The following ABCA4 variants were observed in gnomAD, a reference collection of about 807,000 sequenced individuals.
ABCA4 encodes retinal-specific phospholipid-transporting ATPase ABCA4.
In ABCA4, 196 loss-of-function variants were observed where a neutral mutation model predicts 263.7. That is an observed-to-expected ratio of 0.74 (90% CI 0.66 to 0.84). The LOEUF (loss-of-function observed/expected upper bound fraction) is 0.84. ABCA4 is among the 40% of genes least tolerant of loss of function. ABCA4 has a pLI of 0.00. For missense variants in ABCA4, 2,792 were observed against 2,855.1 expected (o/e 0.98, Z 0.50); for synonymous variants, 1,133 against 1,094.2 (o/e 1.04, Z -0.70).
intron 36 of ABCA4, among the ~76,000 whole-genome samples, chr1:94,016,122 C>A (rs1461529387): frequency 1.3e-5 from 2 of 152,222 alleles, no homozygotes; most frequent in African/African-American, 2.4e-5. Context: ...GTCTCTCACT[C>A]TTTCTATTTG....
chr1:94,079,171 G>A (rs1317177004), intron 9 of ABCA4, 151 bp downstream of exon 9: 4 of 1,146,600 alleles, frequency 3.5e-6, no homozygotes, highest in Non-Finnish European at 3.9e-6. Flanking sequence ...AGTGATGACT[G>A]TGGATGGGGG....
At position 94,006,518 on chromosome 1, in the gene ABCA4, TATG is replaced by T. The variant is rs377293914; in HGVS notation, c.6006-939_6006-937del. 9.4e-4 allele frequency among the ~76,000 whole-genome samples: 143 copies of T among 152,344 alleles called. No homozygotes were observed. In the East Asian group the frequency reaches 0.021, roughly 23 times the overall value. On this transcript the variant is annotated intron_variant, in intron 43 of 49. Transcript: ENST00000370225. ...CTATGATATCTTTCCCCTGCCATGG[TATG>T]ATATCTCTACCCTGCCATGACTCCT...
chr1:94,087,145 A>C (rs568116285), intron 6 of ABCA4, among the ~76,000 whole-genome samples: 17 of 152,302 alleles, frequency 1.1e-4, no homozygotes, highest in Admixed American at 2.6e-4. Flanking sequence ...TCCTAATGCC[A>C]TCATCTTGGG....
At chr1:94,083,110 C>A (rs1201689908) in intron 7 of ABCA4, among the ~76,000 whole-genome samples, 2 of 152,220 alleles carry the variant, frequency 1.3e-5, no homozygotes, top group Non-Finnish European at 2.9e-5. Context: ...AGGCAAGTTG[C>A]TTATTGCCAG....
chr1:94,022,010 C>G (rs113279154), intron 32 of ABCA4, 59 bp from the exon 33 acceptor site: 2 of 1,407,734 alleles, frequency 1.4e-6, no homozygotes, highest in Admixed American at 3.4e-5. Flanking sequence ...CTACTAGTAG[C>G]TCTCTCGGGT....
At chr1:94,094,495 G>A (rs1662068675) in intron 6 of ABCA4, among the ~76,000 whole-genome samples, 1 of 152,160 alleles carries the variant, frequency 6.6e-6, no homozygotes, top group Admixed American at 6.5e-5. Flanking sequence ...GCTGAATCAT[G>A]CCACACTGGA....
chr1:94,114,972 G>C (rs1043227560), intron 1 of ABCA4, among the ~76,000 whole-genome samples: 1 of 152,224 alleles, frequency 6.6e-6, no homozygotes, highest in African/African-American at 2.4e-5. Context: ...CACGGAATGA[G>C]TGAGCCTTTG....
chr1:94,032,083 A>G (rs1203931625), intron 26 of ABCA4, 40 bp from the exon 27 acceptor site: 4 of 1,601,570 alleles, frequency 2.5e-6, no homozygotes, highest in Middle Eastern at 1.6e-4. Flanking sequence ...GAAAATGCCT[A>G]TAAGGTCTGG....
intron 31 of ABCA4, among the ~76,000 whole-genome samples, chr1:94,024,693 G>A (rs1045556940): frequency 9.9e-5 from 15 of 151,996 alleles, no homozygotes; most frequent in Middle Eastern, 3.4e-3. Context: ...TTAATAATAC[G>A]TGGGTTAAAA....
At chr1:94,062,535 C>T (rs1020226646) in intron 13 of ABCA4, 42 bp downstream of exon 13, 3 of 1,612,308 alleles carry the variant, frequency 1.9e-6, no homozygotes, top group East Asian at 2.2e-5. Flanking sequence ...CCAGCACCCC[C>T]ATTAGCGTGT....
At chr1:94,041,684 T>C (rs181095961) in intron 22 of ABCA4, among the ~76,000 whole-genome samples, 1 of 152,320 alleles carries the variant, frequency 6.6e-6, no homozygotes, top group African/African-American at 2.4e-5. Context: ...GGCTCATGTA[T>C]TATGGTCAGC....
At chr1:94,105,338 G>A (rs980035004) in intron 4 of ABCA4, among the ~76,000 whole-genome samples, 1 of 152,154 alleles carries the variant, frequency 6.6e-6, no homozygotes, top group Non-Finnish European at 1.5e-5. Flanking sequence ...GGGAGAAGGG[G>A]CAAAACAAGA....
chr1:93,999,719 G>T (rs867937355), intron 47 of ABCA4, among the ~76,000 whole-genome samples: 1 of 152,134 alleles, frequency 6.6e-6, no homozygotes, highest in Non-Finnish European at 1.5e-5. Flanking sequence ...GAGGAGAAAG[G>T]CTGTTTACCT....
At chr1:94,055,022 G>T in intron 16 of ABCA4, 89 bp downstream of exon 16, 2 of 1,312,960 alleles carry the variant, frequency 1.5e-6, no homozygotes, top group African/African-American at 1.5e-5. Flanking sequence ...CAAAGAGCTT[G>T]GAAGAAATGA....
chr1:94,083,601 CT>C (rs4147883), intron 6 of ABCA4, among the ~76,000 whole-genome samples, 160 bp from the exon 7 acceptor site: 2 of 152,308 alleles, frequency 1.3e-5, no homozygotes, highest in East Asian at 3.9e-4. Context: ...ACAAAAAACT[CT>C]TTTATTTAAT....
chr1:94,115,061 A>G (rs1662721259), intron 1 of ABCA4, among the ~76,000 whole-genome samples: 1 of 152,230 alleles, frequency 6.6e-6, no homozygotes, highest in South Asian at 2.1e-4. Flanking sequence ...TGTAGATTTA[A>G]GAAACAGCCT....
At chr1:94,005,287 A>G in intron 44 of ABCA4, 154 bp downstream of exon 44, 1 of 994,954 alleles carries the variant, frequency 1.0e-6, no homozygotes, top group Non-Finnish European at 1.5e-6. Flanking sequence ...TTTCTAGAAC[A>G]GTACTTGGCA....
At chr1:94,111,923 T>C (rs1662616540) in intron 2 of ABCA4, among the ~76,000 whole-genome samples, 1 of 152,220 alleles carries the variant, frequency 6.6e-6, no homozygotes, top group Non-Finnish European at 1.5e-5. Flanking sequence ...CTGCTGCTGC[T>C]TGAGCAGACG....
At chr1:94,031,638 G>A in intron 27 of ABCA4, 140 bp downstream of exon 27, 1 of 1,182,586 alleles carries the variant, frequency 8.5e-7, no homozygotes, top group East Asian at 2.6e-5. Flanking sequence ...GGTTTGGAAA[G>A]CAGGAAACAA....
Sources: allele counts gnomAD v4.1 joint callset (sites outside exome capture counted in the v4.1 genomes callset), GRCh38; gene constraint gnomAD v4.1.1; transcripts MANE v1.5; gene names NCBI Gene and HGNC (gene_info 2026-07-23, HGNC 2026-07-21).